Variants in SOS2 observed in about 807,000 individuals in gnomAD.
SOS2 encodes the protein son of sevenless homolog 2.
A neutral mutation model predicts 148.2 loss-of-function variants in SOS2; 65 were observed. The observed-to-expected ratio is 0.44, with a 90% CI of 0.36 to 0.54. The LOEUF is 0.54. Ranked by LOEUF, SOS2 falls within the 20% of genes least tolerant of loss-of-function variation. The probability of loss-of-function intolerance (pLI) is 0.00; values close to 1 mark genes in which losing one functional copy is unlikely to be tolerated. For synonymous variants in SOS2, 539 were observed against 537.1 expected (o/e 1.00, Z -0.05); for missense variants, 1,341 against 1,590.2 (o/e 0.84, Z 2.67).
At chr14:50,168,089 A>G (rs926079314) in intron 8 of SOS2, among the ~76,000 whole-genome samples, 3 of 152,334 alleles carry the variant, frequency 2.0e-5, no homozygotes, top group Non-Finnish European at 2.9e-5. Flanking sequence ...TTGAGAGAGA[A>G]TAATTTTTAT....
chr14:50,149,840 T>G (rs570131807), intron 14 of SOS2, among the ~76,000 whole-genome samples, 168 bp downstream of exon 14: 14 of 152,218 alleles, frequency 9.2e-5, no homozygotes, highest in Admixed American at 5.2e-4. Context: ...ATAAGACTTT[T>G]ACTTGCAGGG....
intron 16 of SOS2, among the ~76,000 whole-genome samples, chr14:50,141,239 G>T (rs1013027022): frequency 3.6e-5 from 5 of 137,928 alleles, no homozygotes; most frequent in Non-Finnish European, 7.7e-5. Context: ...AAAAATTCTG[G>T]TCAAGTGCAG....
chr14:50,211,031 G>GGA (rs1566481926), intron 1 of SOS2, among the ~76,000 whole-genome samples: 2 of 37,510 alleles, frequency 5.3e-5, no homozygotes, highest in African/African-American at 1.9e-4. Flanking sequence ...TTCCACTATA[G>GGA]GATATATATA....
intron 6 of SOS2, among the ~76,000 whole-genome samples, 160 bp from the exon 7 acceptor site, chr14:50,180,842 CA>C (rs1885709885): frequency 6.7e-6 from 1 of 149,202 alleles, no homozygotes; most frequent in South Asian, 2.1e-4. Flanking sequence ...AACCCTGTCT[CA>C]AAAGAAAAGA....
rs368255404 is a variant in SOS2, at chr14:50,159,610, T to C, written c.1673A>G (p.Lys558Arg). 1.9e-6 allele frequency: 3 copies of C among 1,613,818 alleles called. No individual in the cohort carries two copies. The African/African-American group carries it at 4.0e-5, about 22-fold the overall frequency. ...TCTCAGTGGTTGCTCATTTTCTTCT[T>C]TCAATAATACTGAATCTAACATTCG... ...LDRMLDSVLLKEENEQPLRLP... is the reference protein window; with the variant it reads ...LDRMLDSVLLREENEQPLRLP... Residue 558 changes from lysine (K) to arginine (R), a missense_variant, in exon 10 of 23, where the codon AAA becomes AGA. By Grantham distance (26) the Lys-to-Arg change is conservative. Transcript: ENST00000216373.
At chr14:50,203,294 G>C (rs1034343819) in intron 2 of SOS2, among the ~76,000 whole-genome samples, 3 of 152,018 alleles carry the variant, frequency 2.0e-5, no homozygotes, top group Admixed American at 6.6e-5. Flanking sequence ...CTTGAACCTG[G>C]GTAGCTGAGG....
intron 14 of SOS2, among the ~76,000 whole-genome samples, chr14:50,147,454 G>A (rs1884524996): frequency 7.1e-6 from 1 of 140,712 alleles, no homozygotes; most frequent in Non-Finnish European, 1.5e-5. Flanking sequence ...CAAGGCTACA[G>A]TGAGCTATGA....
intron 4 of SOS2, among the ~76,000 whole-genome samples, chr14:50,192,317 G>C (rs1886167696): frequency 6.6e-6 from 1 of 152,098 alleles, no homozygotes; most frequent in African/African-American, 2.4e-5. Context: ...GAACTTTAGA[G>C]GCCAAGGTGG....
At chr14:50,179,446 G>T (rs549945182) in intron 7 of SOS2, among the ~76,000 whole-genome samples, 1 of 152,056 alleles carries the variant, frequency 6.6e-6, no homozygotes, top group Non-Finnish European at 1.5e-5. Flanking sequence ...GTGCAGTGGC[G>T]TGATCATGAC....
At chr14:50,182,717 C>A in intron 5 of SOS2, 111 bp from the exon 6 acceptor site, 1 of 755,086 alleles carries the variant, frequency 1.3e-6, no homozygotes, top group Non-Finnish European at 2.1e-6. Context: ...TATGGAATAG[C>A]CCTGCTCCAC....
intron 4 of SOS2, among the ~76,000 whole-genome samples, chr14:50,190,367 T>A (rs1309452173): frequency 1.3e-5 from 2 of 152,168 alleles, no homozygotes; most frequent in African/African-American, 4.8e-5. Flanking sequence ...CTGAAAAACA[T>A]CTACTGATCA....
chr14:50,166,278 A>G (rs116609245), intron 8 of SOS2, among the ~76,000 whole-genome samples: 89 of 152,300 alleles, frequency 5.8e-4, no homozygotes, highest in African/African-American at 2.0e-3. Context: ...GCTGGAATGC[A>G]GTGGCACGAT....
At chr14:50,209,769 T>C (rs1042338897) in intron 1 of SOS2, among the ~76,000 whole-genome samples, 2 of 136,634 alleles carry the variant, frequency 1.5e-5, no homozygotes, top group Admixed American at 7.3e-5. Context: ...AAAAAAAAAA[T>C]TAAATAGCAT....
Position 50,150,220 on chromosome 14 carries a change from C to T in SOS2, c.2172G>A (p.Met724Ile), listed in dbSNP as rs748062346. 1 of 1,605,928 alleles carries T rather than the reference C, an allele frequency of 6.2e-7. No individual in the cohort carries two copies. Among genetic ancestry groups the T allele is most frequent in the Non-Finnish European group, 8.5e-7 (1 of 1,172,808 alleles). The change falls in exon 14 of 23, where the codon ATG becomes ATA. Residue 724 changes from methionine (M) to isoleucine (I), a missense_variant. Met to Ile is a conservative substitution (Grantham distance 10). This residue lies in a region of SOS2 where 408 missense variants were observed against 506.6 expected (regional missense o/e 0.81). Transcript: ENST00000216373. ...SFISSVRGKAMKKWVESIAKI... is the reference protein window; with the variant it reads ...SFISSVRGKAIKKWVESIAKI... The stretch of plus-strand genomic sequence containing the variant: ...TAGCAATTGACTCTACCCATTTTTT[C>T]ATAGCTTTCCCTGGAAAAAGAACAC...
chr14:50,231,803 T>A (rs1000379122), upstream of SOS2, among the ~76,000 whole-genome samples: 13 of 151,924 alleles, frequency 8.6e-5, no homozygotes, highest in African/African-American at 3.1e-4. Flanking sequence ...CGACCCGGAG[T>A]GCGCGTCGGG....
rs139217507 is a variant in SOS2, at chr14:50,173,508, G to A, written c.1068+946C>T. Among the ~76,000 whole-genome samples the A allele has an allele frequency of 9.0e-3, 1,360 of 151,794 alleles. 25 individuals carry two copies. The highest frequency in any genetic ancestry group is 0.031 in the African/African-American group (1,295 of 41,406). On this transcript the variant is annotated intron_variant, in intron 8 of 22. Coordinates refer to ENST00000216373, the MANE Select transcript of SOS2 (RefSeq NM_006939.4). ...ACAATCTCTGCTCACTGCAAGCTCC[G>A]TCTCCCGGGTTCACACCATTCTCCT...
At chr14:50,229,821 C>T (rs1887487084) in intron 1 of SOS2, among the ~76,000 whole-genome samples, 1 of 152,222 alleles carries the variant, frequency 6.6e-6, no homozygotes, top group Non-Finnish European at 1.5e-5. Flanking sequence ...GATTACTGCA[C>T]TCACACTTGT....
At chr14:50,147,894 G>C (rs1403485861) in intron 14 of SOS2, among the ~76,000 whole-genome samples, 1 of 151,638 alleles carries the variant, frequency 6.6e-6, no homozygotes, top group Non-Finnish European at 1.5e-5. Context: ...GCCAAGGCAG[G>C]AGGACTGCCT....
chr14:50,159,228 A>G (rs900262500), intron 10 of SOS2, among the ~76,000 whole-genome samples: 2 of 152,106 alleles, frequency 1.3e-5, no homozygotes, highest in Non-Finnish European at 2.9e-5. Context: ...TTTTATGAAT[A>G]TTTATTCAAT....
Sources: allele counts gnomAD v4.1 joint callset (sites outside exome capture counted in the v4.1 genomes callset), GRCh38; gene constraint gnomAD v4.1.1; regional missense constraint gnomAD v4.1.1; transcripts MANE v1.5; gene names NCBI Gene and HGNC (gene_info 2026-07-23, HGNC 2026-07-21).